KCNH6: variants seen among roughly 807,000 people sequenced by gnomAD.
The protein encoded by KCNH6 is potassium voltage-gated channel subfamily H member 6.
In KCNH6, 81 loss-of-function variants were observed where a neutral mutation model predicts 83.4. That is an observed-to-expected ratio of 0.97 (90% CI 0.81 to 1.17). The LOEUF is 1.17. Among genes scored for constraint, KCNH6 ranks in the 50% most tolerant of loss-of-function variants. The pLI is 0.00. For missense variants in KCNH6, 1,203 were observed against 1,290.5 expected, an observed-to-expected ratio of 0.93 and a Z score of 1.04; for synonymous variants, 503 against 545.6, an observed-to-expected ratio of 0.92 and a Z score of 1.09.
In KCNH6 at chr17:63,525,671, G is replaced by A. The variant is rs944347306; in HGVS notation, c.307+1302G>A. ...AGGCTTCTCAGAGTTACAGCTTCTC[G>A]GGTAGGTCCTGGTTGTTCCTGCTGC... On this transcript the variant is annotated intron_variant, in intron 2 of 12. Coordinates refer to ENST00000314672, the MANE Select transcript of KCNH6 (RefSeq NM_001278919.2). Among the ~76,000 whole-genome samples the A allele has an allele frequency of 5.7e-4, 87 of 152,288 alleles. 1 individual carries two copies. The highest frequency in any genetic ancestry group is 5.7e-3 in the Admixed American group (87 of 15,304).
At position 63,534,475 on chromosome 17, in the gene KCNH6, G is replaced by C. The variant is rs527266061; in HGVS notation, c.1101+164G>C. ...GGCCCCAAACATCTGTCACCTCCCA[G>C]CCCTGGAGAAGGACCTGCCAAGGCT... On this transcript the variant is annotated intron_variant, in intron 5 of 12. Transcript: ENST00000314672. The surrounding 1 kb of genome is among the most constrained non-coding windows in gnomAD (Gnocchi z 5.0). 2.4e-3 allele frequency among the ~76,000 whole-genome samples: 359 copies of C among 152,222 alleles called. 1 individual carries two copies. Among genetic ancestry groups the C allele is most frequent in the Non-Finnish European group, 2.4e-3 (163 of 67,980 alleles).
chr17:63,537,545 A>AT (rs1464820464), intron 6 of KCNH6, among the ~76,000 whole-genome samples: 7 of 151,884 alleles, frequency 4.6e-5, no homozygotes, highest in Non-Finnish European at 8.8e-5. Context: ...AGCGATTCTC[A>AT]TGCCTCAGCC....
chr17:63,537,473 C>G (rs1194623620), intron 6 of KCNH6, among the ~76,000 whole-genome samples: 1 of 152,054 alleles, frequency 6.6e-6, no homozygotes, highest in Admixed American at 6.6e-5. Flanking sequence ...CTCATTCTGT[C>G]GCCCAGGCTG....
At chr17:63,532,295 A>C (rs2032173876) in intron 4 of KCNH6, among the ~76,000 whole-genome samples, 1 of 152,160 alleles carries the variant, frequency 6.6e-6, no homozygotes, top group Non-Finnish European at 1.5e-5. Context: ...GAGGAGGAGC[A>C]GCTCTGATGC....
chr17:63,546,832 G>C (rs1017395031), downstream of KCNH6: 1 of 152,228 alleles, frequency 6.6e-6, no homozygotes, highest in Non-Finnish European at 1.5e-5. Context: ...ACCATATCCA[G>C]TGTGTTGGGG....
rs148667829 is a variant in KCNH6 at position 63,535,788 on chromosome 17, C to G, written c.1221C>G (p.Thr407=). 1.3e-5 allele frequency: 21 copies of G among 1,614,142 alleles called. No homozygotes were observed. The African/African-American group carries it at 2.5e-4, about 19-fold the overall frequency. The change falls in exon 6 of 13, where the codon ACC becomes ACG. Residue 407 remains threonine, a synonymous_variant. Transcript: ENST00000314672. The surrounding 1 kb of genome is among the most constrained non-coding windows in gnomAD (Gnocchi z 4.9). ...GAAVLFLLMC[T]FALIAHWLAC... is the part of the protein sequence containing the mutation. ...CTGTGCTCTTCTTGCTCATGTGCAC[C>G]TTCGCGCTCATAGCGCACTGGCTGG...
rs897590584 is a variant in KCNH6, at chr17:63,538,370, C to G, written c.1702-40C>G. On this transcript the variant is annotated intron_variant, in intron 7 of 12. Transcript: ENST00000314672. The surrounding 1 kb of genome is among the most constrained non-coding windows in gnomAD (Gnocchi z 4.0). ...TCACCACCCTCTCCCCCAGCCCCACCCCGGCCGCGTCCCGCTGGACTTGGC... is the reference window on the plus strand; with the variant it reads ...TCACCACCCTCTCCCCCAGCCCCACGCCGGCCGCGTCCCGCTGGACTTGGC... 23 of 1,590,056 alleles carry G rather than the reference C, an allele frequency of 1.4e-5. No individual in the cohort carries two copies. The highest frequency in any genetic ancestry group is 1.9e-5 in the Non-Finnish European group (22 of 1,168,670).
At chr17:63,525,346 C>T (rs566888358) in intron 2 of KCNH6, among the ~76,000 whole-genome samples, 9 of 152,328 alleles carry the variant, frequency 5.9e-5, no homozygotes, top group Admixed American at 1.3e-4. Context: ...ATTCCTCCCT[C>T]GGAGATTTCT....
At position 63,538,100 on chromosome 17, in the gene KCNH6, G is replaced by A. The variant is rs2032617115; in HGVS notation, c.1537G>A (p.Ala513Thr). ...MYASIFGNVS[A>T]IIQRLYSGTA... The stretch of plus-strand genomic sequence containing the variant: ...CGCCAGCATCTTCGGGAACGTGTCC[G>A]CGATCATCCAGCGCCTGTACTCGGG... Residue 513 changes from alanine (A) to threonine (T), a missense_variant, in exon 7 of 13, where the codon GCG (alanine) becomes ACG (threonine). Coordinates refer to ENST00000314672, the MANE Select transcript of KCNH6 (RefSeq NM_001278919.2). This position sits in a 1 kb window ranked among gnomAD's most constrained non-coding sequence, Gnocchi z 4.0. The A allele has an allele frequency of 6.2e-7, 1 of 1,613,918 alleles. No homozygotes were observed. The highest frequency in any genetic ancestry group is 1.1e-5 in the South Asian group (1 of 91,084).
chr17:63,527,021 C>G (rs1479614747), intron 2 of KCNH6, among the ~76,000 whole-genome samples: 1 of 152,118 alleles, frequency 6.6e-6, no homozygotes, highest in Non-Finnish European at 1.5e-5. Flanking sequence ...AAGGAGAGCA[C>G]TCAGATCCCC....
At chr17:63,540,752 C>T (rs1304482934) in intron 8 of KCNH6, among the ~76,000 whole-genome samples, 1 of 152,228 alleles carries the variant, frequency 6.6e-6, no homozygotes, top group African/African-American at 2.4e-5. Context: ...CTGTGCTAAA[C>T]TGTTACTGCC....
intron 12 of KCNH6, 141 bp from the exon 13 acceptor site, chr17:63,545,468 G>A (rs769058059): frequency 1.0e-6 from 1 of 995,148 alleles, no homozygotes; most frequent in South Asian, 1.6e-5. Context: ...TGACTCCAGA[G>A]CCTGCAGCTG....
chr17:63,536,503 G>T (rs1429555604), intron 6 of KCNH6, among the ~76,000 whole-genome samples: 2 of 152,184 alleles, frequency 1.3e-5, no homozygotes, highest in African/African-American at 4.8e-5. Context: ...AATTAGCCAG[G>T]TGTGGTGGCA....
chr17:63,536,650 GA>G (rs140623480), intron 6 of KCNH6, among the ~76,000 whole-genome samples: 7 of 148,496 alleles, frequency 4.7e-5, no homozygotes, highest in Admixed American at 6.7e-5. Context: ...TCTCAAAAAA[GA>G]AAAAAAAATT....
At chr17:63,524,630 C>A (rs1411196101) in intron 2 of KCNH6, among the ~76,000 whole-genome samples, 1 of 152,228 alleles carries the variant, frequency 6.6e-6, no homozygotes, top group African/African-American at 2.4e-5. Flanking sequence ...TCTGCTGTGT[C>A]CCTGGTCTCC....
At chr17:63,541,765 C>T (rs2032875279) in intron 8 of KCNH6, among the ~76,000 whole-genome samples, 1 of 152,204 alleles carries the variant, frequency 6.6e-6, no homozygotes, top group South Asian at 2.1e-4. Flanking sequence ...ATGCTGGTTA[C>T]CTGGCCCCAC....
chr17:63,547,629 C>A (rs1430616199), downstream of KCNH6, among the ~76,000 whole-genome samples: 1 of 152,082 alleles, frequency 6.6e-6, no homozygotes, highest in Non-Finnish European at 1.5e-5. Flanking sequence ...ATATTGATCA[C>A]CCTATCATAT....
intron 8 of KCNH6, among the ~76,000 whole-genome samples, chr17:63,540,043 A>G (rs570068830): frequency 6.6e-6 from 1 of 152,116 alleles, no homozygotes; most frequent in African/African-American, 2.4e-5. Context: ...GGAGCGCCCT[A>G]CCCTGTGCCA....
At chr17:63,525,681 T>C (rs1295957160) in intron 2 of KCNH6, among the ~76,000 whole-genome samples, 1 of 152,168 alleles carries the variant, frequency 6.6e-6, no homozygotes, top group Non-Finnish European at 1.5e-5. Context: ...GGGTAGGTCC[T>C]GGTTGTTCCT....
Sources: allele counts gnomAD v4.1 joint callset (sites outside exome capture counted in the v4.1 genomes callset), GRCh38; gene constraint gnomAD v4.1.1; non-coding constraint Gnocchi (gnomAD v3.1); transcripts MANE v1.5; gene names NCBI Gene and HGNC (gene_info 2026-07-23, HGNC 2026-07-21).